DPYD: variants seen among roughly 807,000 people sequenced by gnomAD.
DPYD encodes dihydropyrimidine dehydrogenase [NADP(+)].
In DPYD, 109 loss-of-function variants were observed where a neutral mutation model predicts 116.2. That is an observed-to-expected ratio of 0.94 (90% confidence interval 0.80 to 1.10). DPYD has a LOEUF of 1.10. Ranked by LOEUF, DPYD falls within the 50% of genes least tolerant of loss-of-function variation. The probability of loss-of-function intolerance (pLI) is 0.00; values close to 1 mark genes in which losing one functional copy is unlikely to be tolerated. For synonymous variants in DPYD, 440 were observed against 432.0 expected (o/e 1.02, Z -0.23); for missense variants, 1,302 against 1,254.5 (o/e 1.04, Z -0.57).
intron 16 of DPYD, among the ~76,000 whole-genome samples, chr1:97,311,604 G>A (rs192424856): frequency 1.2e-4 from 18 of 151,768 alleles, no homozygotes; most frequent in African/African-American, 4.1e-4. Flanking sequence ...CCACTCTTAC[G>A]TATATGTCCT....
At chr1:97,675,676 T>A (rs1475960519) in intron 8 of DPYD, among the ~76,000 whole-genome samples, 1 of 152,082 alleles carries the variant, frequency 6.6e-6, no homozygotes, top group Non-Finnish European at 1.5e-5. Flanking sequence ...CAATCTAACG[T>A]AGAATAAGAT....
chr1:97,293,761 G>A (rs1186806657), intron 18 of DPYD, among the ~76,000 whole-genome samples: 1 of 152,042 alleles, frequency 6.6e-6, no homozygotes, highest in Non-Finnish European at 1.5e-5. Context: ...GGCCAACATG[G>A]CAAAACCCTA....
intron 18 of DPYD, among the ~76,000 whole-genome samples, chr1:97,298,409 C>A (rs2101012478): frequency 6.6e-6 from 1 of 152,238 alleles, no homozygotes; most frequent in South Asian, 2.1e-4. Flanking sequence ...AATCTCACCT[C>A]ACCAAGAGGA....
At chr1:97,770,891 A>AC (rs1666105029) in intron 3 of DPYD, among the ~76,000 whole-genome samples, 1 of 152,226 alleles carries the variant, frequency 6.6e-6, no homozygotes, top group African/African-American at 2.4e-5. Flanking sequence ...AGACAATAAT[A>AC]TCATAAGTAT....
intron 20 of DPYD, among the ~76,000 whole-genome samples, chr1:97,149,647 G>T (rs1654878252): frequency 2.0e-5 from 3 of 152,126 alleles, no homozygotes; most frequent in Admixed American, 6.5e-5. Context: ...TACATAATTT[G>T]GGGACCCAAT....
intron 8 of DPYD, among the ~76,000 whole-genome samples, chr1:97,659,874 T>C (rs944836571): frequency 1.4e-4 from 22 of 152,124 alleles, no homozygotes; most frequent in African/African-American, 5.3e-4. Context: ...ATGAGTATTG[T>C]ATATTCATAT....
chr1:97,726,225 T>C (rs1256697841), intron 4 of DPYD, among the ~76,000 whole-genome samples: 2 of 151,536 alleles, frequency 1.3e-5, no homozygotes, highest in Non-Finnish European at 3.0e-5. Flanking sequence ...TAAGAATAAA[T>C]ACAGAAGTGA....
intron 14 of DPYD, among the ~76,000 whole-genome samples, chr1:97,400,889 A>G (rs1224198326): frequency 6.6e-6 from 1 of 151,722 alleles, no homozygotes; most frequent in Non-Finnish European, 1.5e-5. Flanking sequence ...TTGAGATCAC[A>G]TGCTGTCTTC....
intron 20 of DPYD, among the ~76,000 whole-genome samples, chr1:97,148,263 G>T: frequency 6.6e-6 from 1 of 150,820 alleles, no homozygotes; most frequent in Non-Finnish European, 1.5e-5. Context: ...TGGGGGGGGT[G>T]TGTGTGTTCT....
intron 20 of DPYD, among the ~76,000 whole-genome samples, chr1:97,156,216 AC>A (rs1655442742): frequency 6.6e-6 from 1 of 152,160 alleles, no homozygotes; most frequent in African/African-American, 2.4e-5. Context: ...CTTTAATAAT[AC>A]CTAAGAAGGA....
intron 13 of DPYD, among the ~76,000 whole-genome samples, chr1:97,453,077 G>C (rs978517729): frequency 6.6e-6 from 1 of 151,984 alleles, no homozygotes; most frequent in Non-Finnish European, 1.5e-5. Context: ...CCCTTGGATA[G>C]ATCCCTGAAC....
At chr1:97,344,561 TTC>T (rs1553257085) in intron 16 of DPYD, among the ~76,000 whole-genome samples, 2 of 151,564 alleles carry the variant, frequency 1.3e-5, no homozygotes, top group Non-Finnish European at 3.0e-5. Context: ...TTCAATTTTT[TTC>T]TCTTTACATT....
chr1:97,593,458 T>C (rs1360032422), intron 9 of DPYD, 71 bp from the exon 10 acceptor site: 9 of 1,570,980 alleles, frequency 5.7e-6, no homozygotes, highest in Non-Finnish European at 3.5e-6. Context: ...AAAAGATACT[T>C]GTACTCAAAG....
At chr1:97,557,331 G>T (rs1244938900) in intron 11 of DPYD, among the ~76,000 whole-genome samples, 4 of 99,630 alleles carry the variant, frequency 4.0e-5, no homozygotes, top group East Asian at 2.6e-4. Flanking sequence ...TTTTTTTTGA[G>T]GAGTCTCACT....
chr1:97,137,237 G>C (rs1323052705), intron 20 of DPYD, among the ~76,000 whole-genome samples: 1 of 152,318 alleles, frequency 6.6e-6, no homozygotes, highest in Non-Finnish European at 1.5e-5. Flanking sequence ...GCATGGACCA[G>C]CTAACACAGT....
intron 6 of DPYD, among the ~76,000 whole-genome samples, chr1:97,693,244 T>A (rs1661113554): frequency 8.0e-6 from 1 of 125,044 alleles, no homozygotes. Flanking sequence ...TGAGCCAAGA[T>A]CATGCCACTG....
intron 3 of DPYD, among the ~76,000 whole-genome samples, chr1:97,789,463 T>C (rs1181639731): frequency 6.6e-6 from 1 of 152,238 alleles, no homozygotes; most frequent in Non-Finnish European, 1.5e-5. Context: ...TGTTTACTAT[T>C]GATCAGTAAG....
chr1:97,107,059 C>T (rs1392694785), intron 20 of DPYD, among the ~76,000 whole-genome samples: 1 of 152,114 alleles, frequency 6.6e-6, no homozygotes, highest in Non-Finnish European at 1.5e-5. Flanking sequence ...CCTGTCCCCA[C>T]ACCAAGGCTC....
Position 97,149,172 on chromosome 1 carries a change from T to C in DPYD, c.2622+43897A>G, listed in dbSNP as rs555095752. Among the ~76,000 whole-genome samples, 190 of 152,358 alleles carry C rather than the reference T, an allele frequency of 1.2e-3. 1 individual carries two copies. The highest frequency in any genetic ancestry group is 4.3e-3 in the African/African-American group (178 of 41,590). On this transcript the variant is annotated intron_variant, in intron 20 of 22. Coordinates refer to ENST00000370192, the MANE Select transcript of DPYD (RefSeq NM_000110.4). ...GATTGAGTAAACAATTAAAATGCTC[T>C]ACTTGGACCAAATTGAAAGCCCATA...
Sources: allele counts gnomAD v4.1 joint callset (sites outside exome capture counted in the v4.1 genomes callset), GRCh38; gene constraint gnomAD v4.1.1; transcripts MANE v1.5; gene names NCBI Gene and HGNC (gene_info 2026-07-23, HGNC 2026-07-21).